SNTG1: variants seen among roughly 807,000 people sequenced by gnomAD.
SNTG1 encodes syntrophin gamma 1, also known as gamma-1-syntrophin.
Under a neutral mutation model 74.7 loss-of-function variants are expected in SNTG1, and 39 were observed. That is an observed-to-expected ratio of 0.52 (90% CI 0.40 to 0.68). The LOEUF (loss-of-function observed/expected upper bound fraction) is 0.68. Ranked by LOEUF, SNTG1 falls within the 30% of genes least tolerant of loss-of-function variation. The pLI, the probability that SNTG1 is intolerant of heterozygous loss-of-function variation, is 0.00. For missense variants in SNTG1, 685 were observed against 609.5 expected (o/e 1.12, Z -1.30); for synonymous variants, 254 against 217.1 (o/e 1.17, Z -1.49).
intron 1 of SNTG1, among the ~76,000 whole-genome samples, chr8:50,115,582 A>AAAAAAAAAAAAAAACAAAAAG: frequency 6.8e-6 from 1 of 147,746 alleles, no homozygotes; most frequent in Admixed American, 6.8e-5. Flanking sequence ...AAAAAAAAAA[A>AAAAAAAAAAAAAAACAAAAAG]AAAAACGAGA....
intron 4 of SNTG1, among the ~76,000 whole-genome samples, chr8:50,427,669 C>G (rs2093180672): frequency 6.6e-6 from 1 of 152,146 alleles, no homozygotes; most frequent in Admixed American, 6.6e-5. Flanking sequence ...TCATGCAACC[C>G]TCCCACTCTG....
chr8:50,619,655 C>G (rs1479117278), intron 13 of SNTG1, among the ~76,000 whole-genome samples: 1 of 147,832 alleles, frequency 6.8e-6, no homozygotes, highest in Non-Finnish European at 1.5e-5. Context: ...GGCATGAACC[C>G]GGGAGGCGGA....
intron 12 of SNTG1, among the ~76,000 whole-genome samples, chr8:50,576,012 AT>A (rs1460868828): frequency 6.6e-6 from 1 of 152,090 alleles, no homozygotes; most frequent in Non-Finnish European, 1.5e-5. Context: ...TTGTAGATTA[AT>A]GGCTTTATCC....
chr8:50,661,579 A>G (rs1261220449), intron 15 of SNTG1, among the ~76,000 whole-genome samples: 2 of 152,116 alleles, frequency 1.3e-5, no homozygotes, highest in Non-Finnish European at 2.9e-5. Context: ...ACATGTGCAG[A>G]ACGTACAGTT....
chr8:50,545,165 T>C (rs1585636398), intron 11 of SNTG1, among the ~76,000 whole-genome samples: 1 of 151,890 alleles, frequency 6.6e-6, no homozygotes, highest in East Asian at 1.9e-4. Context: ...AGTGATATAA[T>C]ACCTGTCATA....
chr8:50,076,212 G>C (rs1267733365), intron 1 of SNTG1, among the ~76,000 whole-genome samples: 1 of 152,270 alleles, frequency 6.6e-6, no homozygotes, highest in African/African-American at 2.4e-5. Context: ...AATTCCACAT[G>C]CTAATTTAGT....
At chr8:50,681,124 G>A (rs2131388804) in intron 15 of SNTG1, among the ~76,000 whole-genome samples, 1 of 152,010 alleles carries the variant, frequency 6.6e-6, no homozygotes, top group East Asian at 1.9e-4. Flanking sequence ...ATAAATTATA[G>A]ACATTAAAAT....
At chr8:50,710,614 G>A (rs540990244) in intron 17 of SNTG1, among the ~76,000 whole-genome samples, 53 of 152,212 alleles carry the variant, frequency 3.5e-4, no homozygotes, top group Non-Finnish European at 5.9e-4. Context: ...CTGAGTATGC[G>A]AATCTATTCT....
chr8:50,204,077 G>A (rs1221978201), intron 2 of SNTG1, among the ~76,000 whole-genome samples: 24 of 151,988 alleles, frequency 1.6e-4, no homozygotes, highest in Admixed American at 1.4e-3. Flanking sequence ...AGAATTTAGT[G>A]TAAATTAAAC....
intron 2 of SNTG1, among the ~76,000 whole-genome samples, chr8:50,345,263 CAG>C (rs2091437899): frequency 6.6e-6 from 1 of 152,196 alleles, no homozygotes; most frequent in Non-Finnish European, 1.5e-5. Context: ...TGTTCAGTAA[CAG>C]GGAATGCTGG....
At chr8:50,260,573 T>G (rs1257284372) in intron 2 of SNTG1, among the ~76,000 whole-genome samples, 1 of 150,988 alleles carries the variant, frequency 6.6e-6, no homozygotes, top group Non-Finnish European at 1.5e-5. Context: ...AAAAGAGAGT[T>G]TGAAACAACA....
intron 9 of SNTG1, among the ~76,000 whole-genome samples, chr8:50,514,656 A>G (rs933097464): frequency 4.6e-5 from 7 of 152,174 alleles, no homozygotes; most frequent in African/African-American, 1.2e-4. Context: ...TATGTAAACT[A>G]TTAGGGAGAA....
intron 2 of SNTG1, among the ~76,000 whole-genome samples, chr8:50,248,029 C>T (rs1217460760): frequency 6.6e-6 from 1 of 152,114 alleles, no homozygotes; most frequent in Non-Finnish European, 1.5e-5. Context: ...TGTCTCTTCA[C>T]ATCTTCTTCC....
In SNTG1 at chr8:50,568,227, T is replaced by TTGTTTGTGTGTGTGTGTGTGTG. The variant is rs140888701; in HGVS notation, c.810+15051_810+15052insTTGTGTGTGTGTGTGTGTGTGT. On this transcript the variant is annotated intron_variant, in intron 12 of 18. Coordinates refer to ENST00000642720, the MANE Select transcript of SNTG1 (RefSeq NM_018967.5). ...CTGAATAGTATTCCATTGTCCATGT[T>TTGTTTGTGTGTGTGTGTGTGTG]TGTGTGTGTGTGTGTGTGTGTGTGT... Among the ~76,000 whole-genome samples, 20 of 146,392 alleles carry TTGTTTGTGTGTGTGTGTGTGTG rather than the reference T, an allele frequency of 1.4e-4. 1 individual carries two copies. The highest frequency in any genetic ancestry group is 6.1e-4 in the East Asian group (3 of 4,918).
At chr8:50,646,132 T>G (rs981963845) in intron 13 of SNTG1, among the ~76,000 whole-genome samples, 1 of 152,240 alleles carries the variant, frequency 6.6e-6, no homozygotes, top group African/African-American at 2.4e-5. Flanking sequence ...CCATCATTTC[T>G]TTTTCTCTTT....
chr8:50,145,648 G>C (rs2081835093), intron 1 of SNTG1, among the ~76,000 whole-genome samples: 1 of 152,066 alleles, frequency 6.6e-6, no homozygotes, highest in African/African-American at 2.4e-5. Flanking sequence ...CTCTGCTTCA[G>C]GGATTAATAA....
chr8:50,317,398 T>C (rs1340947500), intron 2 of SNTG1, among the ~76,000 whole-genome samples: 1 of 151,464 alleles, frequency 6.6e-6, no homozygotes, highest in South Asian at 2.1e-4. Context: ...TTATTTTCTA[T>C]AGAAAAGTTA....
At chr8:50,144,798 T>C (rs1161823631) in intron 1 of SNTG1, among the ~76,000 whole-genome samples, 7 of 152,148 alleles carry the variant, frequency 4.6e-5, no homozygotes. Flanking sequence ...GAGCATTTTT[T>C]ATATAAAGGA....
intron 2 of SNTG1, among the ~76,000 whole-genome samples, chr8:50,331,486 CAA>C (rs889193187): frequency 6.6e-6 from 1 of 152,264 alleles, no homozygotes; most frequent in Non-Finnish European, 1.5e-5. Flanking sequence ...AAGAATCAAA[CAA>C]GAGAAGAAAT....
Sources: gnomAD v4.1 joint callset for allele counts (sites outside exome capture counted in the v4.1 genomes callset) on GRCh38, gnomAD v4.1.1 for gene constraint, MANE v1.5 for transcripts, NCBI Gene and HGNC (gene_info 2026-07-23, HGNC 2026-07-21) for gene names.